TSEN15: variants seen among roughly 807,000 people sequenced by gnomAD.
TSEN15 encodes tRNA-splicing endonuclease subunit Sen15.
TSEN15 carries 10 observed loss-of-function variants against 20.5 expected under a neutral mutation model. The observed-to-expected ratio is 0.49, with a 90% CI of 0.30 to 0.83. The LOEUF is 0.83. TSEN15 is among the 40% of genes least tolerant of loss of function. The pLI, the probability that TSEN15 is intolerant of heterozygous loss-of-function variation, is 0.06. For missense variants in TSEN15, 180 were observed against 218.6 expected (o/e 0.82, Z 1.11); for synonymous variants, 72 against 80.1 (o/e 0.90, Z 0.54).
At chr1:184,059,027 A>T (rs947041460) in intron 3 of TSEN15, among the ~76,000 whole-genome samples, 1 of 150,370 alleles carries the variant, frequency 6.7e-6, no homozygotes, top group Non-Finnish European at 1.5e-5. Flanking sequence ...TTCGCTTAGA[A>T]AATACTTTTT....
At chr1:184,088,439 G>A (rs1324775532) in intron 3 of TSEN15, among the ~76,000 whole-genome samples, 1 of 152,052 alleles carries the variant, frequency 6.6e-6, no homozygotes, top group Non-Finnish European at 1.5e-5. Flanking sequence ...CCAAAAAATG[G>A]GGAGGAGGAA....
intron 3 of TSEN15, chr1:184,093,601 C>T (rs963298914): frequency 3.3e-5 from 5 of 152,100 alleles, no homozygotes; most frequent in African/African-American, 4.8e-5. Context: ...TCAAATGCAA[C>T]CATATCTTTA....
At chr1:184,084,853 G>T (rs552003529) in intron 3 of TSEN15, among the ~76,000 whole-genome samples, 3 of 152,020 alleles carry the variant, frequency 2.0e-5, no homozygotes, top group Admixed American at 1.3e-4. Context: ...TTCAACATGG[G>T]TCTGGAGGGG....
At chr1:184,054,951 TTGGGATACAGGG>T in intron 3 of TSEN15, 88 bp downstream of exon 3, 1 of 1,434,076 alleles carries the variant, frequency 7.0e-7, no homozygotes, top group Admixed American at 2.4e-5. Flanking sequence ...TTAATGAAAT[TTGGGATACAGGG>T]TTCATAGCTT....
intron 3 of TSEN15, among the ~76,000 whole-genome samples, chr1:184,093,310 G>C (rs1651392019): frequency 6.6e-6 from 1 of 152,142 alleles, no homozygotes; most frequent in African/African-American, 2.4e-5. Context: ...ACATAATCAT[G>C]GTCAGCAACA....
At chr1:184,084,802 A>G (rs1213184250) in intron 3 of TSEN15, among the ~76,000 whole-genome samples, 2 of 152,054 alleles carry the variant, frequency 1.3e-5, no homozygotes, top group Non-Finnish European at 2.9e-5. Flanking sequence ...ATCACCTCTT[A>G]AATATCCCAC....
At chr1:184,054,647 G>A in intron 2 of TSEN15, 81 bp from the exon 3 acceptor site, 1 of 1,488,854 alleles carries the variant, frequency 6.7e-7, no homozygotes, top group Non-Finnish European at 9.1e-7. Context: ...TATTTGCTCA[G>A]CTGAGTATTA....
chr1:184,088,799 T>C (rs1014992681), intron 3 of TSEN15, among the ~76,000 whole-genome samples: 1 of 152,216 alleles, frequency 6.6e-6, no homozygotes, highest in Admixed American at 6.5e-5. Flanking sequence ...TAAGACCCTA[T>C]TTGTTGACTA....
intron 3 of TSEN15, chr1:184,095,156 CT>C: frequency 7.5e-6 from 3 of 398,308 alleles, no homozygotes; most frequent in Non-Finnish European, 1.3e-5. Flanking sequence ...ACTTGTTTGA[CT>C]GAACAGAGTG....
rs555194984 is a variant in TSEN15 at position 184,095,618 on chromosome 1, A to C, written c.354-72A>C. ...AAGAAACAGGATACCAGAGATCTCT[A>C]TCTCTCTCCCCCTTCTCTCTCTCTC... On this transcript the variant is annotated intron_variant, in intron 3 of 3. Coordinates refer to the TSEN15 transcript ENST00000643231. 1,243 of 387,186 alleles carry C rather than the reference A, an allele frequency of 3.2e-3. 2 individuals carry two copies. Among genetic ancestry groups the C allele is most frequent in the Admixed American group, 4.7e-3 (102 of 21,536 alleles). 24.0% of individuals were successfully genotyped at this position (387,186 alleles called of 1,614,324 possible). A position where few individuals can be genotyped will look rare whatever the true frequency, so the allele number is the denominator to read the frequency against.
chr1:184,058,253 G>T, intron 3 of TSEN15: 1 of 398,494 alleles, frequency 2.5e-6, no homozygotes, highest in Non-Finnish European at 4.9e-6. Context: ...AAGCCATTTT[G>T]ATGCTGTTGC....
At position 184,073,777 on chromosome 1, in the gene TSEN15, G is replaced by C. The variant is rs1285842534; in HGVS notation, c.*930G>C. On this transcript the variant is annotated 3_prime_UTR_variant, in exon 5 of 5. Transcript: ENST00000645668. Reference sequence around the variant, plus strand: ...ACTATTTTAGGTTTTTAAACCTACTGTCTCTGTCATAACTTGTCAACACTG... The same window carrying C: ...ACTATTTTAGGTTTTTAAACCTACTCTCTCTGTCATAACTTGTCAACACTG... 1 of 152,218 alleles carries C rather than the reference G, an allele frequency of 6.6e-6. No homozygotes were observed. The highest frequency in any genetic ancestry group is 1.5e-5 in the Non-Finnish European group (1 of 68,000). 9.4% of individuals were successfully genotyped at this position (152,218 alleles called of 1,614,324 possible). A position where few individuals can be genotyped will look rare whatever the true frequency, so the allele number is the denominator to read the frequency against.
chr1:184,062,078 T>C (rs1650477042), intron 3 of TSEN15, among the ~76,000 whole-genome samples: 1 of 152,182 alleles, frequency 6.6e-6, no homozygotes, highest in African/African-American at 2.4e-5. Context: ...AATGGGGGAA[T>C]AAAATTGATA....
At chr1:184,057,174 C>G (rs1367884840) in intron 3 of TSEN15, among the ~76,000 whole-genome samples, 1 of 152,004 alleles carries the variant, frequency 6.6e-6, no homozygotes, top group Non-Finnish European at 1.5e-5. Context: ...GTGAGCTGTC[C>G]TACAGAAAGT....
intron 3 of TSEN15, among the ~76,000 whole-genome samples, chr1:184,066,702 G>A (rs1164466842): frequency 1.3e-5 from 2 of 152,114 alleles, no homozygotes; most frequent in Non-Finnish European, 2.9e-5. Context: ...CACTGTGCCC[G>A]GCTTGTAATA....
At chr1:184,093,886 AC>A (rs975058938) in intron 3 of TSEN15, 3 of 152,200 alleles carry the variant, frequency 2.0e-5, no homozygotes, top group African/African-American at 7.2e-5. Flanking sequence ...TATAGGCTTT[AC>A]TTGCTTAATA....
At chr1:184,091,045 A>G (rs1651346993) in intron 3 of TSEN15, among the ~76,000 whole-genome samples, 1 of 152,220 alleles carries the variant, frequency 6.6e-6, no homozygotes, top group Non-Finnish European at 1.5e-5. Context: ...ACATACTTTT[A>G]CCAAAGGCCT....
chr1:184,052,500 C>T (rs1419733462), intron 1 of TSEN15, among the ~76,000 whole-genome samples: 2 of 152,016 alleles, frequency 1.3e-5, no homozygotes, highest in Admixed American at 6.6e-5. Context: ...GACATTACTG[C>T]CTTGTACAAG....
chr1:184,061,557 T>C (rs1650455446), intron 3 of TSEN15, among the ~76,000 whole-genome samples: 1 of 152,194 alleles, frequency 6.6e-6, no homozygotes, highest in African/African-American at 2.4e-5. Flanking sequence ...CATAGTTAAC[T>C]ACAACTTAGT....
Sources: gnomAD v4.1 joint callset for allele counts (sites outside exome capture counted in the v4.1 genomes callset) on GRCh38, gnomAD v4.1.1 for gene constraint, MANE v1.5 for transcripts, NCBI Gene and HGNC (gene_info 2026-07-23, HGNC 2026-07-21) for gene names.